ETNK1: variants seen among roughly 807,000 people sequenced by gnomAD.
ETNK1 encodes the protein ethanolamine kinase 1.
Under a neutral mutation model 45.1 loss-of-function variants are expected in ETNK1, and 8 were observed. The observed-to-expected ratio is 0.18, with a 90% CI of 0.10 to 0.32. The LOEUF (loss-of-function observed/expected upper bound fraction) is 0.32, where lower values mean the gene tolerates loss of function less well. ETNK1 is among the 10% of genes least tolerant of loss of function. The probability of loss-of-function intolerance (pLI) is 1.00; values close to 1 mark genes in which losing one functional copy is unlikely to be tolerated. For synonymous variants in ETNK1, 152 were observed against 151.9 expected (o/e 1.00, Z -0.01); for missense variants, 302 against 430.6 (o/e 0.70, Z 2.64).
At chr12:22,651,640 T>C (rs1370111475) in intron 2 of ETNK1, among the ~76,000 whole-genome samples, 1 of 149,724 alleles carries the variant, frequency 6.7e-6, no homozygotes, top group African/African-American at 2.5e-5. Context: ...ACTAATTTCC[T>C]AACATATTTT....
intron 2 of ETNK1, among the ~76,000 whole-genome samples, chr12:22,653,478 A>G (rs966436091): frequency 2.6e-5 from 4 of 152,046 alleles, no homozygotes; most frequent in African/African-American, 9.7e-5. Context: ...TTGTTTTCCA[A>G]TCCATGAACA....
intron 7 of ETNK1, 29 bp from the exon 8 acceptor site, chr12:22,684,853 A>C: frequency 6.4e-7 from 1 of 1,570,622 alleles, no homozygotes; most frequent in Non-Finnish European, 8.6e-7. Context: ...GCTTTGACTA[A>C]TTTTTTTGTT....
intron 1 of ETNK1, among the ~76,000 whole-genome samples, chr12:22,632,648 C>T (rs975692548): frequency 5.9e-5 from 9 of 151,940 alleles, no homozygotes; most frequent in African/African-American, 2.2e-4. Flanking sequence ...GTACCTGAGA[C>T]TAAAGGTGCA....
intron 3 of ETNK1, among the ~76,000 whole-genome samples, 168 bp downstream of exon 3, chr12:22,659,322 T>C (rs1953975602): frequency 6.6e-6 from 1 of 152,166 alleles, no homozygotes; most frequent in Non-Finnish European, 1.5e-5. Flanking sequence ...CAGAAATAAC[T>C]GCCTCTCCAT....
chr12:22,635,572 AAT>A (rs1041366968), intron 1 of ETNK1, among the ~76,000 whole-genome samples: 3 of 152,210 alleles, frequency 2.0e-5, no homozygotes, highest in African/African-American at 7.2e-5. Flanking sequence ...CTTGCTTGAC[AAT>A]ATGTGTTTAT....
chr12:22,679,196 A>C (rs1454961494), intron 6 of ETNK1, among the ~76,000 whole-genome samples: 1 of 152,222 alleles, frequency 6.6e-6, no homozygotes, highest in East Asian at 1.9e-4. Flanking sequence ...AAAGTCTCAA[A>C]ACCAGAAGAG....
chr12:22,671,809 A>T (rs932742734), intron 5 of ETNK1, among the ~76,000 whole-genome samples: 1 of 147,864 alleles, frequency 6.8e-6, no homozygotes, highest in Non-Finnish European at 1.5e-5. Context: ...ACTGCACTCC[A>T]GCCTGGGCGA....
intron 5 of ETNK1, among the ~76,000 whole-genome samples, chr12:22,673,027 T>C (rs2137569729): frequency 6.6e-6 from 1 of 152,190 alleles, no homozygotes; most frequent in African/African-American, 2.4e-5. Flanking sequence ...AAAAATGTAT[T>C]CTTGGTTGCA....
chr12:22,677,638 A>G (rs1954174538), intron 6 of ETNK1, among the ~76,000 whole-genome samples: 2 of 152,216 alleles, frequency 1.3e-5, no homozygotes, highest in African/African-American at 2.4e-5. Context: ...CTTCGTATCT[A>G]TGAGCATGGA....
chr12:22,679,616 G>A (rs138499349), intron 6 of ETNK1, among the ~76,000 whole-genome samples: 5 of 151,938 alleles, frequency 3.3e-5, no homozygotes, highest in East Asian at 3.9e-4. Context: ...ATAAGACTTC[G>A]CATTCTCCTA....
At chr12:22,627,839 GTGAT>G (rs947544614) in intron 1 of ETNK1, among the ~76,000 whole-genome samples, 3 of 151,794 alleles carry the variant, frequency 2.0e-5, no homozygotes, top group Non-Finnish European at 2.9e-5. Flanking sequence ...TACTTATCTG[GTGAT>G]TGATTATTCC....
intron 1 of ETNK1, among the ~76,000 whole-genome samples, chr12:22,639,329 G>A (rs536438838): frequency 2.0e-5 from 3 of 152,166 alleles, no homozygotes; most frequent in Admixed American, 2.0e-4. Context: ...TTATAGGCAT[G>A]AGCCACCATG....
At chr12:22,667,259 T>C (rs1249766552) in intron 4 of ETNK1, among the ~76,000 whole-genome samples, 1 of 152,200 alleles carries the variant, frequency 6.6e-6, no homozygotes, top group Non-Finnish European at 1.5e-5. Flanking sequence ...AACACCACAC[T>C]TTTTTCTTTA....
intron 1 of ETNK1, among the ~76,000 whole-genome samples, chr12:22,635,253 G>A (rs866296826): frequency 6.6e-6 from 1 of 152,194 alleles, no homozygotes; most frequent in African/African-American, 2.4e-5. Context: ...TGTGTCATAT[G>A]TCACCTGGCT....
chr12:22,662,841 A>G (rs937446992), intron 4 of ETNK1, among the ~76,000 whole-genome samples: 18 of 152,222 alleles, frequency 1.2e-4, no homozygotes, highest in African/African-American at 4.1e-4. Flanking sequence ...GACCCTTCTT[A>G]GAGTGTAAAG....
chr12:22,681,926 C>G (rs1323193320), intron 6 of ETNK1, among the ~76,000 whole-genome samples: 2 of 152,030 alleles, frequency 1.3e-5, no homozygotes, highest in Non-Finnish European at 2.9e-5. Flanking sequence ...TTTTTTGATA[C>G]TAGACCAAAG....
chr12:22,655,639 T>C (rs1410495197), intron 2 of ETNK1, among the ~76,000 whole-genome samples: 4 of 148,646 alleles, frequency 2.7e-5, no homozygotes, highest in Non-Finnish European at 4.5e-5. Flanking sequence ...GCCCAGCCTA[T>C]AGGATATTTG....
chr12:22,626,131 C>A (rs1953491713), intron 1 of ETNK1: 1 of 273,934 alleles, frequency 3.7e-6, no homozygotes, highest in African/African-American at 2.2e-5. Flanking sequence ...TAGGCAGCAC[C>A]ACACACATTG....
chr12:22,636,004 C>CA (rs1392020525), intron 1 of ETNK1, among the ~76,000 whole-genome samples: 1 of 151,594 alleles, frequency 6.6e-6, no homozygotes, highest in Non-Finnish European at 1.5e-5. Context: ...CCTGTCTCTA[C>CA]AAAAAAAATG....
Sources: gnomAD v4.1 joint callset for allele counts (sites outside exome capture counted in the v4.1 genomes callset) on GRCh38, gnomAD v4.1.1 for gene constraint, MANE v1.5 for transcripts, NCBI Gene and HGNC (gene_info 2026-07-23, HGNC 2026-07-21) for gene names.